Variants in SP1 observed in about 807,000 individuals in gnomAD.
SP1 encodes the protein transcription factor Sp1.
In SP1, 6 loss-of-function variants were observed where a neutral mutation model predicts 66.3. The observed-to-expected ratio is 0.09, with a 90% CI of 0.05 to 0.18. The LOEUF (loss-of-function observed/expected upper bound fraction) is 0.18, where lower values mean the gene tolerates loss of function less well. Ranked by LOEUF, SP1 falls within the 10% of genes least tolerant of loss-of-function variation. The pLI is 1.00. For missense variants in SP1, 848 were observed against 964.5 expected (o/e 0.88, Z 1.60); for synonymous variants, 417 against 360.8 (o/e 1.16, Z -1.77).
chr12:53,390,140 G>T (rs1434563786), intron 3 of SP1, among the ~76,000 whole-genome samples: 1 of 152,048 alleles, frequency 6.6e-6, no homozygotes, highest in Non-Finnish European at 1.5e-5. Context: ...TGTCTTACCA[G>T]TTATCATTTT....
intron 3 of SP1, among the ~76,000 whole-genome samples, chr12:53,384,658 T>C (rs1938185757): frequency 6.6e-6 from 1 of 152,194 alleles, no homozygotes; most frequent in African/African-American, 2.4e-5. Context: ...TCTAAGGCCT[T>C]CTTTGGCCTG....
At chr12:53,394,766 C>T (rs1432671902) in intron 3 of SP1, among the ~76,000 whole-genome samples, 2 of 151,564 alleles carry the variant, frequency 1.3e-5, no homozygotes, top group Non-Finnish European at 2.9e-5. Context: ...AGGCGCCTGC[C>T]ACCATGCCCA....
At chr12:53,401,222 G>T (rs1386410467) in intron 3 of SP1, among the ~76,000 whole-genome samples, 7 of 151,752 alleles carry the variant, frequency 4.6e-5, no homozygotes, top group Admixed American at 4.6e-4. Context: ...AGGCCAAGGC[G>T]GGTGGATCAC....
intron 3 of SP1, among the ~76,000 whole-genome samples, chr12:53,396,197 C>T (rs1312945189): frequency 5.3e-5 from 8 of 151,114 alleles, no homozygotes; most frequent in Non-Finnish European, 1.0e-4. Context: ...AGGAGAATGG[C>T]GTGAACCCGG....
At chr12:53,400,715 A>G (rs1938590728) in intron 3 of SP1, among the ~76,000 whole-genome samples, 1 of 147,514 alleles carries the variant, frequency 6.8e-6, no homozygotes. Flanking sequence ...CAGCCTCCGG[A>G]GTAGCTGGGA....
chr12:53,400,199 A>G (rs1162610884), intron 3 of SP1, among the ~76,000 whole-genome samples: 1 of 152,218 alleles, frequency 6.6e-6, no homozygotes, highest in South Asian at 2.1e-4. Flanking sequence ...GCCCCAAGCA[A>G]TGTATGTACT....
intron 3 of SP1, among the ~76,000 whole-genome samples, chr12:53,384,912 G>A (rs1378713157): frequency 2.6e-5 from 4 of 152,044 alleles, no homozygotes; most frequent in Non-Finnish European, 5.9e-5. Flanking sequence ...TTGAATCTGG[G>A]AGGCAGAGGT....
chr12:53,380,249 C>A lies in SP1; in HGVS notation c.-43C>A. 8 of 1,452,812 alleles carry A rather than the reference C, an allele frequency of 5.5e-6. 1 individual carries two copies. The highest frequency in any genetic ancestry group is 6.8e-6 in the Non-Finnish European group (7 of 1,036,018). 90.0% of individuals were successfully genotyped at this position (1,452,812 alleles called of 1,614,324 possible). On this transcript the variant is annotated 5_prime_UTR_variant, in exon 1 of 6. Transcript: ENST00000327443. The stretch of plus-strand genomic sequence containing the variant: ...GCGTTTTTCCCGGCCCCCCCCAACC[C>A]CCCCGGACAGGACCCCCTTGAGCTT...
intron 2 of SP1, 55 bp downstream of exon 2, chr12:53,381,868 A>G (rs1220227514): frequency 2.6e-6 from 4 of 1,558,612 alleles, no homozygotes; most frequent in East Asian, 4.5e-5. Flanking sequence ...ATATTCTTAG[A>G]TAATTGCCTT....
intron 3 of SP1, among the ~76,000 whole-genome samples, chr12:53,399,691 C>T (rs1938567414): frequency 6.6e-6 from 1 of 150,926 alleles, no homozygotes; most frequent in Non-Finnish European, 1.5e-5. Flanking sequence ...GGCTGGAGTG[C>T]AGTGGCACGA....
At chr12:53,407,699 C>A (rs985552593) in intron 4 of SP1, among the ~76,000 whole-genome samples, 3 of 151,786 alleles carry the variant, frequency 2.0e-5, no homozygotes, top group African/African-American at 7.3e-5. Flanking sequence ...TGCAGTGGCA[C>A]AATCTTGGCT....
rs1044858672 is a variant in SP1, at chr12:53,382,936, C to T, written c.989C>T (p.Thr330Ile). ...ACCAATGCCAATAGCTACTCAACTA[C>T]TACTACCACCAGCAACATGGGAATT... ...FFTNANSYST[T>I]TTTSNMGIMN... Residue 330 changes from threonine to isoleucine, a missense_variant, in exon 3 of 6, where the codon ACT (threonine) becomes ATT (isoleucine). By Grantham distance (89) the Thr-to-Ile change is moderately conservative. This residue lies in a region of SP1 where 606 missense variants were observed against 589.9 expected (regional missense o/e 1.03). Transcript: ENST00000327443. 1.9e-6 allele frequency: 3 copies of T among 1,614,066 alleles called. No homozygotes were observed. Among genetic ancestry groups the T allele is most frequent in the Non-Finnish European group, 2.5e-6 (3 of 1,180,040 alleles).
intron 3 of SP1, among the ~76,000 whole-genome samples, chr12:53,392,905 A>G (rs971464615): frequency 4.6e-5 from 7 of 151,138 alleles, no homozygotes; most frequent in Non-Finnish European, 8.8e-5. Flanking sequence ...GCTCACTGCA[A>G]CCTCCACCTC....
At chr12:53,409,263 T>A in intron 4 of SP1, 99 bp from the exon 5 acceptor site, 1 of 932,866 alleles carries the variant, frequency 1.1e-6, no homozygotes, top group Non-Finnish European at 1.6e-6. Context: ...AATAAAAGTT[T>A]GGGTTAGTTT....
At chr12:53,390,555 C>T (rs1452610669) in intron 3 of SP1, among the ~76,000 whole-genome samples, 1 of 152,046 alleles carries the variant, frequency 6.6e-6, no homozygotes, top group East Asian at 1.9e-4. Flanking sequence ...TGGCGGCGCG[C>T]ACCTGTAGTC....
intron 3 of SP1, among the ~76,000 whole-genome samples, chr12:53,400,410 C>T (rs1938585531): frequency 6.6e-6 from 1 of 152,074 alleles, no homozygotes; most frequent in Admixed American, 6.6e-5. Context: ...TATTCATTCA[C>T]CAGTTGATGG....
At chr12:53,400,456 A>G (rs75364374) in intron 3 of SP1, among the ~76,000 whole-genome samples, 1,594 of 152,310 alleles carry the variant, frequency 0.01, 23 homozygotes, top group African/African-American at 0.036. Flanking sequence ...GCTATCATGC[A>G]TAATGCTGCT....
chr12:53,408,617 G>A (rs1176041668), intron 4 of SP1, among the ~76,000 whole-genome samples: 2 of 148,618 alleles, frequency 1.3e-5, no homozygotes, highest in African/African-American at 4.9e-5. Context: ...TTTTAAAAAA[G>A]AAGGCTTGGC....
At chr12:53,387,527 C>T (rs1185517907) in intron 3 of SP1, among the ~76,000 whole-genome samples, 4 of 152,096 alleles carry the variant, frequency 2.6e-5, no homozygotes, top group Admixed American at 6.6e-5. Flanking sequence ...AAAGTTAGAG[C>T]TGGAAGGGAC....
Sources: allele counts gnomAD v4.1 joint callset (sites outside exome capture counted in the v4.1 genomes callset), GRCh38; gene constraint gnomAD v4.1.1; regional missense constraint gnomAD v4.1.1; transcripts MANE v1.5; gene names NCBI Gene and HGNC (gene_info 2026-07-23, HGNC 2026-07-21).